Variants in LRBA observed in about 807,000 individuals in gnomAD.
LRBA encodes the protein LPS responsive beige-like anchor protein.
A neutral mutation model predicts 330.0 loss-of-function variants in LRBA; 176 were observed. That is an observed-to-expected ratio of 0.53 (90% CI 0.47 to 0.60). The LOEUF is 0.60. LRBA is among the 20% of genes least tolerant of loss of function. LRBA has a pLI of 0.00. For synonymous variants in LRBA, 1,230 were observed against 1,193.0 expected, an observed-to-expected ratio of 1.03 and a Z score of -0.64; for missense variants, 3,259 against 3,444.8, an observed-to-expected ratio of 0.95 and a Z score of 1.35.
At chr4:150,896,348 G>A (rs767867843) in intron 16 of LRBA, 46 bp downstream of exon 16, 27 of 1,022,982 alleles carry the variant, frequency 2.6e-5, no homozygotes, top group South Asian at 4.4e-5. Context: ...AAAGTCTAAT[G>A]TAGCTTCAAA....
chr4:150,439,898 G>A (rs1300567766), intron 44 of LRBA, among the ~76,000 whole-genome samples: 1 of 152,100 alleles, frequency 6.6e-6, no homozygotes, highest in Non-Finnish European at 1.5e-5. Flanking sequence ...TTATAATGCT[G>A]CAAAACATTT....
chr4:150,313,032 T>C (rs1427700770), intron 51 of LRBA, among the ~76,000 whole-genome samples: 2 of 151,988 alleles, frequency 1.3e-5, no homozygotes, highest in Non-Finnish European at 2.9e-5. Flanking sequence ...GATAAACTTA[T>C]TTTAAAGGCT....
chr4:150,870,384 C>A, intron 20 of LRBA, 141 bp downstream of exon 20: 1 of 621,438 alleles, frequency 1.6e-6, no homozygotes. Flanking sequence ...AAAACCCAAA[C>A]AAAACTAGTA....
At chr4:150,687,643 T>G (rs1320667698) in intron 36 of LRBA, among the ~76,000 whole-genome samples, 1 of 152,024 alleles carries the variant, frequency 6.6e-6, no homozygotes, top group Admixed American at 6.6e-5. Flanking sequence ...ATAGGATAAA[T>G]AAACCTCCAC....
At chr4:150,489,612 A>AAGAATATATAATATATAATATT (rs1561252256) in intron 41 of LRBA, among the ~76,000 whole-genome samples, 1 of 34,826 alleles carries the variant, frequency 2.9e-5, no homozygotes, top group African/African-American at 6.6e-5. Context: ...TATAATATAT[A>AAGAATATATAATATATAATATT]ATATATAAGA....
chr4:150,648,166 A>AAAAAAAAAAAAAAAAAAAAAAAAACAAC (rs1561468366), intron 37 of LRBA, among the ~76,000 whole-genome samples: 1 of 142,572 alleles, frequency 7.0e-6, no homozygotes, highest in African/African-American at 2.5e-5. Flanking sequence ...AGCAAAAAAA[A>AAAAAAAAAAAAAAAAAAAAAAAAACAAC]AAAAAAAAAA....
chr4:150,332,628 C>T (rs1561026110), intron 48 of LRBA, among the ~76,000 whole-genome samples: 2 of 148,730 alleles, frequency 1.3e-5, no homozygotes, highest in African/African-American at 2.5e-5. Context: ...ACAGAGCAGT[C>T]TAGTGTTGAA....
intron 47 of LRBA, among the ~76,000 whole-genome samples, chr4:150,370,539 G>A (rs577460709): frequency 1.3e-5 from 2 of 152,122 alleles, no homozygotes; most frequent in Admixed American, 6.5e-5. Context: ...AGGAGGAAGG[G>A]GGAATGAATA....
intron 22 of LRBA, among the ~76,000 whole-genome samples, chr4:150,864,856 A>G (rs975430857): frequency 6.6e-6 from 1 of 152,068 alleles, no homozygotes; most frequent in Non-Finnish European, 1.5e-5. Flanking sequence ...CATGTTGGCC[A>G]GGCTGGTCCT....
rs1340524804 is a variant in LRBA, at chr4:150,861,233, G to C, written c.2766+6438C>G. Among the ~76,000 whole-genome samples, 4 of 151,416 alleles carry C rather than the reference G, an allele frequency of 2.6e-5. No homozygotes were observed. In the East Asian group the frequency reaches 5.8e-4, roughly 22 times the overall value. ...TCCTCCCACCTCAGCCTCCTGAGTA[G>C]CTAGAAATACAGGTGCATGCCACCA... On this transcript the variant is annotated intron_variant, in intron 22 of 56. Coordinates refer to ENST00000651943, the MANE Select transcript of LRBA (RefSeq NM_001364905.1).
At chr4:150,543,618 A>T (rs768232343) in intron 40 of LRBA, among the ~76,000 whole-genome samples, 1 of 152,188 alleles carries the variant, frequency 6.6e-6, no homozygotes, top group Non-Finnish European at 1.5e-5. Context: ...ACCAGAAAAA[A>T]TATTTGCAAT....
intron 36 of LRBA, among the ~76,000 whole-genome samples, chr4:150,722,533 G>A (rs996500600): frequency 3.3e-5 from 5 of 151,974 alleles, no homozygotes; most frequent in African/African-American, 1.2e-4. Context: ...AAAATTAGGA[G>A]GTGAGGGGAG....
At chr4:150,831,785 T>C (rs770616990) in intron 29 of LRBA, 32 bp downstream of exon 29, 3 of 1,516,178 alleles carry the variant, frequency 2.0e-6, no homozygotes, top group Non-Finnish European at 2.7e-6. Flanking sequence ...TATTTGAACT[T>C]TGGTACAAAG....
chr4:150,514,335 G>A lies in LRBA; in HGVS notation c.6331-23300C>T, dbSNP rs555510508. ...GATCCACCCGCCTTGGCCTCCTTAA[G>A]TGTTGGGATTACAGGTGTGAGCCAC... On this transcript the variant is annotated intron_variant, in intron 40 of 56. Coordinates refer to ENST00000651943, the MANE Select transcript of LRBA (RefSeq NM_001364905.1). Among the ~76,000 whole-genome samples the A allele has an allele frequency of 3.4e-4, 52 of 152,266 alleles. 3 individuals are homozygous for A. In the South Asian group the frequency reaches 0.011, roughly 32 times the overall value.
At chr4:150,928,482 T>C (rs1734115096) in intron 4 of LRBA, 34 bp downstream of exon 4, 1 of 1,384,284 alleles carries the variant, frequency 7.2e-7, no homozygotes, top group Non-Finnish European at 1.0e-6. Context: ...AGGAGCATAC[T>C]TTAAAATACC....
chr4:150,694,666 AACAG>A lies in LRBA; in HGVS notation c.5755-10953_5755-10950del, dbSNP rs1437402948. Among the ~76,000 whole-genome samples, 15 of 152,096 alleles carry A rather than the reference AACAG, an allele frequency of 9.9e-5. No homozygotes were observed. The South Asian group carries it at 3.1e-3, about 32-fold the overall frequency. On this transcript the variant is annotated intron_variant, in intron 36 of 56. Transcript: ENST00000651943. ...AGCATGAAAAAGCCTAAGCCAATGA[AACAG>A]ACAGAGCAGCAACCCCCTCCTCCCT... is the stretch of plus-strand genomic sequence containing the variant.
intron 47 of LRBA, among the ~76,000 whole-genome samples, chr4:150,351,660 G>A (rs1387312909): frequency 6.6e-6 from 1 of 152,156 alleles, no homozygotes; most frequent in East Asian, 1.9e-4. Context: ...CTGCACTCCA[G>A]CCTGGGTGAC....
At chr4:150,278,170 C>T (rs981092078) in intron 55 of LRBA, among the ~76,000 whole-genome samples, 166 bp from the exon 56 acceptor site, 1 of 152,140 alleles carries the variant, frequency 6.6e-6, no homozygotes, top group African/African-American at 2.4e-5. Context: ...TGCCATTTTT[C>T]AAAAACCAAA....
chr4:150,819,113 G>T (rs1034913818), intron 30 of LRBA, among the ~76,000 whole-genome samples: 3 of 151,318 alleles, frequency 2.0e-5, no homozygotes, highest in Non-Finnish European at 4.4e-5. Flanking sequence ...AAATGAAAAG[G>T]TAACAAACAA....
Sources: gnomAD v4.1 joint callset for allele counts (sites outside exome capture counted in the v4.1 genomes callset) on GRCh38, gnomAD v4.1.1 for gene constraint, MANE v1.5 for transcripts, NCBI Gene and HGNC (gene_info 2026-07-23, HGNC 2026-07-21) for gene names.